TENM3: variants seen among roughly 807,000 people sequenced by gnomAD.
TENM3 encodes teneurin transmembrane protein 3, also known as teneurin-3.
Under a neutral mutation model 255.1 loss-of-function variants are expected in TENM3, and 63 were observed. That is an observed-to-expected ratio of 0.25 (90% CI 0.20 to 0.30). The LOEUF (loss-of-function observed/expected upper bound fraction) is 0.30. TENM3 is among the 10% of genes least tolerant of loss of function. TENM3 has a pLI of 1.00. For synonymous variants in TENM3, 1,306 were observed against 1,322.3 expected, an observed-to-expected ratio of 0.99 and a Z score of 0.27; for missense variants, 2,929 against 3,461.1, an observed-to-expected ratio of 0.85 and a Z score of 3.86.
chr4:182,526,735 A>G (rs1034638222), intron 3 of TENM3, among the ~76,000 whole-genome samples: 1 of 152,152 alleles, frequency 6.6e-6, no homozygotes, highest in African/African-American at 2.4e-5. Context: ...ATAGCTGCTC[A>G]TTTCTCTTAA....
the TENM3 span, among the ~76,000 whole-genome samples, chr4:181,579,827 T>G: frequency 6.6e-6 from 1 of 152,104 alleles, no homozygotes; most frequent in Admixed American, 6.6e-5. Context: ...TAGAAAAGTT[T>G]TCTTCCTTCA....
At chr4:182,536,271 G>A (rs968609907) in intron 3 of TENM3, among the ~76,000 whole-genome samples, 1 of 152,222 alleles carries the variant, frequency 6.6e-6, no homozygotes, top group Non-Finnish European at 1.5e-5. Context: ...GTTGAGATTT[G>A]TAAGCCATTC....
intron 3 of TENM3, among the ~76,000 whole-genome samples, chr4:182,521,551 C>G (rs1317657980): frequency 2.0e-5 from 3 of 151,924 alleles, no homozygotes; most frequent in African/African-American, 7.3e-5. Context: ...ATGCCAGTGC[C>G]AAGTCATACA....
chr4:181,865,876 T>C, the TENM3 span, among the ~76,000 whole-genome samples: 2 of 152,108 alleles, frequency 1.3e-5, no homozygotes, highest in African/African-American at 2.4e-5. Flanking sequence ...TATAGAAAAA[T>C]ATCTATCTAT....
intron 22 of TENM3, among the ~76,000 whole-genome samples, chr4:182,767,787 G>T (rs1371149612): frequency 6.6e-6 from 1 of 152,178 alleles, no homozygotes; most frequent in Non-Finnish European, 1.5e-5. Context: ...GGCTAGCTCT[G>T]GGATGGCCCT....
At chr4:181,970,608 CTTTTAAAGTCTACA>C in the TENM3 span, among the ~76,000 whole-genome samples, 1 of 152,114 alleles carries the variant, frequency 6.6e-6, no homozygotes, top group South Asian at 2.1e-4. Context: ...TATGATATAT[CTTTTAAAGTCTACA>C]TTTTAAAGTT....
intron 3 of TENM3, among the ~76,000 whole-genome samples, chr4:182,568,942 A>T (rs562566287): frequency 2.0e-5 from 3 of 152,196 alleles, no homozygotes; most frequent in Non-Finnish European, 2.9e-5. Context: ...CACAGAAAAC[A>T]TTTATATGGT....
the TENM3 span, among the ~76,000 whole-genome samples, chr4:181,588,015 G>C: frequency 3.9e-5 from 6 of 152,278 alleles, no homozygotes; most frequent in Admixed American, 3.9e-4. Flanking sequence ...GCAAACTGCA[G>C]GGTGGAAGTG....
intron 3 of TENM3, among the ~76,000 whole-genome samples, chr4:182,365,674 T>A (rs1037234703): frequency 6.6e-6 from 1 of 152,202 alleles, no homozygotes; most frequent in African/African-American, 2.4e-5. Flanking sequence ...TAAATCTCTT[T>A]TCATCAATCC....
intron 25 of TENM3, among the ~76,000 whole-genome samples, chr4:182,791,993 A>C (rs1766138845): frequency 6.6e-6 from 1 of 152,150 alleles, no homozygotes. Flanking sequence ...AGATCCATTG[A>C]CAAATCTGCT....
the TENM3 span, among the ~76,000 whole-genome samples, chr4:181,461,232 G>A: frequency 2.0e-3 from 300 of 151,966 alleles, 1 homozygote; most frequent in African/African-American, 6.9e-3. Context: ...AGCTGCTGTC[G>A]CAAAGTCTAT....
At chr4:182,682,074 T>A in intron 11 of TENM3, 60 bp downstream of exon 11, 1 of 1,384,920 alleles carries the variant, frequency 7.2e-7, no homozygotes, top group Non-Finnish European at 1.0e-6. Flanking sequence ...AAAGATGATA[T>A]TTTAATCTTT....
chr4:181,857,551 C>CAAAAAAAAAAAAAAA, the TENM3 span, among the ~76,000 whole-genome samples: 7 of 104,796 alleles, frequency 6.7e-5, no homozygotes, highest in Non-Finnish European at 9.2e-5. Flanking sequence ...CCTGTCTCTA[C>CAAAAAAAAAAAAAAA]AAAAAAAAAA....
rs1242178080 is a variant in TENM3 at position 182,571,808 on chromosome 4, G to C, written c.512-29116G>C. On this transcript the variant is annotated intron_variant, in intron 3 of 27. Coordinates refer to ENST00000511685, the MANE Select transcript of TENM3 (RefSeq NM_001080477.4). ...ATATAATTAACATAGAAGACTGAAA[G>C]TTTCAAACAACGTGACATAATTATA... Among the ~76,000 whole-genome samples the C allele has an allele frequency of 2.0e-5, 3 of 152,164 alleles. No individual in the cohort carries two copies. In the South Asian group the frequency reaches 6.2e-4, roughly 32 times the overall value.
At position 182,754,678 on chromosome 4, in the gene TENM3, A is replaced by G; in HGVS notation, c.4311A>G (p.Glu1437=). The G allele has an allele frequency of 6.2e-7, 1 of 1,614,062 alleles. No homozygotes were observed. The highest frequency in any genetic ancestry group is 8.5e-7 in the Non-Finnish European group (1 of 1,179,898). The change falls in exon 22 of 28, where the codon GAA becomes GAG. Residue 1437 remains glutamate (E), a synonymous_variant. Transcript: ENST00000511685. The surrounding 1 kb of genome is among the most constrained non-coding windows in gnomAD (Gnocchi z 5.1). ...NRIRQVTTDG[E]ISLVAGIPSE... is the part of the protein sequence containing the mutation. ...TAAGGCAGGTCACAACAGATGGAGA[A>G]ATCTCCTTAGTGGCCGGAATACCTT... is the stretch of plus-strand genomic sequence containing the variant.
At chr4:181,852,244 A>G in the TENM3 span, among the ~76,000 whole-genome samples, 1 of 152,248 alleles carries the variant, frequency 6.6e-6, no homozygotes, top group Non-Finnish European at 1.5e-5. Context: ...GCTGGACATG[A>G]ATAAGTCAGT....
At chr4:181,955,722 G>A in the TENM3 span, among the ~76,000 whole-genome samples, 3 of 152,270 alleles carry the variant, frequency 2.0e-5, no homozygotes, top group Admixed American at 6.5e-5. Context: ...GCCACTTAAC[G>A]AAGGGCTGCC....
chr4:181,550,101 A>G, the TENM3 span, among the ~76,000 whole-genome samples: 1 of 152,342 alleles, frequency 6.6e-6, no homozygotes, highest in Non-Finnish European at 1.5e-5. Flanking sequence ...TAAACAAAAG[A>G]GTAACAGTGT....
chr4:182,194,207 G>C (rs1338286087), intron 1 of TENM3, among the ~76,000 whole-genome samples: 2 of 152,148 alleles, frequency 1.3e-5, no homozygotes, highest in Non-Finnish European at 2.9e-5. Context: ...TATTAGTGCA[G>C]GCAAATCAAA....
Sources: gnomAD v4.1 joint callset for allele counts (sites outside exome capture counted in the v4.1 genomes callset) on GRCh38, gnomAD v4.1.1 for gene constraint, Gnocchi (gnomAD v3.1) non-coding constraint, MANE v1.5 for transcripts, NCBI Gene and HGNC (gene_info 2026-07-23, HGNC 2026-07-21) for gene names.